BCL11B: variants seen among roughly 807,000 people sequenced by gnomAD.
BCL11B encodes BCL11 transcription factor B.
In BCL11B, 8 loss-of-function variants were observed where a neutral mutation model predicts 49.9. The observed-to-expected ratio is 0.16, with a 90% confidence interval of 0.09 to 0.29. The LOEUF (loss-of-function observed/expected upper bound fraction) is 0.29, where lower values mean the gene tolerates loss of function less well. Among genes scored for constraint, BCL11B ranks in the 10% least tolerant of loss-of-function variants. BCL11B has a pLI of 1.00. For synonymous variants in BCL11B, 739 were observed against 637.4 expected (o/e 1.16, Z -2.40); for missense variants, 1,006 against 1,351.0 (o/e 0.74, Z 4.00).
chr14:99,183,932 G>A (rs1206047240), intron 3 of BCL11B, among the ~76,000 whole-genome samples: 4 of 151,966 alleles, frequency 2.6e-5, no homozygotes, highest in Admixed American at 2.0e-4. Context: ...CCCCGAAGCC[G>A]GCTGCATCCC....
chr14:99,211,043 C>CT (rs1340372513), intron 3 of BCL11B, among the ~76,000 whole-genome samples: 1 of 152,172 alleles, frequency 6.6e-6, no homozygotes, highest in Non-Finnish European at 1.5e-5. Context: ...TCAATAACAG[C>CT]TCCCCTAGCT....
chr14:99,257,778 C>T lies in BCL11B; in HGVS notation c.120G>A (p.Glu40=). 2.5e-6 allele frequency: 4 copies of T among 1,593,006 alleles called. No homozygotes were observed. The African/African-American group carries it at 5.4e-5, about 21-fold the overall frequency. Residue 40 remains glutamate, a synonymous_variant, in exon 2 of 4, where the codon GAG becomes GAA. Coordinates refer to ENST00000357195, the MANE Select transcript of BCL11B (RefSeq NM_138576.4). This position sits in a 1 kb window ranked among gnomAD's most constrained non-coding sequence, Gnocchi z 6.2. ...CCACCATCAGCCCCAGGCCACTTGG[C>T]TCCTCTATCTCCAGACCCTCGTCTT... The part of the protein sequence containing the change: ...LEEDEGLEIE[E]PSGLGLMVGG...
At chr14:99,255,655 T>G (rs555243552) in intron 2 of BCL11B, among the ~76,000 whole-genome samples, 3 of 152,128 alleles carry the variant, frequency 2.0e-5, no homozygotes, top group Non-Finnish European at 4.4e-5. Context: ...CGAGTCTCCC[T>G]AGCAAGGCCA....
chr14:99,189,668 C>A (rs1050772429), intron 3 of BCL11B, among the ~76,000 whole-genome samples: 15 of 152,332 alleles, frequency 9.8e-5, no homozygotes, highest in African/African-American at 3.6e-4. Context: ...TTGGTTCTCC[C>A]AGGACTGCCC....
At chr14:99,261,608 G>C (rs1889339762) in intron 1 of BCL11B, among the ~76,000 whole-genome samples, 1 of 151,936 alleles carries the variant, frequency 6.6e-6, no homozygotes, top group Non-Finnish European at 1.5e-5. Flanking sequence ...AGCAAACTCG[G>C]GCCTTAAAAA....
At chr14:99,270,127 G>A (rs1290221789) in intron 1 of BCL11B, among the ~76,000 whole-genome samples, 1 of 152,004 alleles carries the variant, frequency 6.6e-6, no homozygotes, top group Non-Finnish European at 1.5e-5. Flanking sequence ...AACAGGGACG[G>A]TGGAAGCTGC....
intron 3 of BCL11B, among the ~76,000 whole-genome samples, chr14:99,225,512 C>T (rs1045096160): frequency 2.0e-5 from 3 of 152,198 alleles, no homozygotes; most frequent in African/African-American, 7.2e-5. Context: ...TTCACATCCA[C>T]TAACTGCTTG....
Position 99,271,751 on chromosome 14 carries a change from AAAAAT to A in BCL11B, c.-538_-534del, listed in dbSNP as rs1889697477. Among the ~76,000 whole-genome samples, 3 of 151,952 alleles carry A rather than the reference AAAAAT, an allele frequency of 2.0e-5. No homozygotes were observed. The South Asian group carries it at 6.2e-4, about 31-fold the overall frequency. ...GGGGAAAAAAAATGCAAACAAATAAAAAAATAAAAGAAGAAAAAGCAAAGGAAAAA... is the reference window on the plus strand; with the variant it reads ...GGGGAAAAAAAATGCAAACAAATAAAAAAAGAAGAAAAAGCAAAGGAAAAA... On this transcript the variant is annotated 5_prime_UTR_variant, in exon 1 of 4. Transcript: ENST00000357195.
chr14:99,175,852 G>T lies in BCL11B; in HGVS notation c.984C>A (p.His328Gln). The T allele has an allele frequency of 2.0e-6, 3 of 1,479,330 alleles. No homozygotes were observed. The highest frequency in any genetic ancestry group is 2.6e-5 in the East Asian group (1 of 39,138). The allele number at this position is 1,479,330 out of a possible 1,614,324, so 91.6% of individuals were successfully genotyped here. A position where few individuals can be genotyped will look rare whatever the true frequency, so the allele number is the denominator to read the frequency against. The change falls in exon 4 of 4, where the codon CAC becomes CAA. Residue 328 changes from histidine (H) to glutamine (Q), a missense_variant. Physicochemically the swap from His to Gln is conservative, Grantham distance 24 (BLOSUM62 0). Around this residue, in one of 6 missense-constraint regions of BCL11B, gnomAD observed 411 missense variants for 542.2 expected, o/e 0.76. Transcript: ENST00000357195. ...SPPPRHHLDP[H>Q]RLSAEEMGLV... The stretch of plus-strand genomic sequence containing the variant: ...GCCCCATCTCCTCGGCACTGAGGCG[G>T]TGCGGGTCCAGGTGGTGGCGCGGCG...
chr14:99,180,922 G>C (rs1595221797), intron 3 of BCL11B, among the ~76,000 whole-genome samples: 1 of 152,244 alleles, frequency 6.6e-6, no homozygotes, highest in East Asian at 1.9e-4. Flanking sequence ...CTGGACTCCT[G>C]CAATGAAATG....
In BCL11B at chr14:99,257,341, G is replaced by A. The variant is rs928876207; in HGVS notation, c.427+130C>T. ...GATGGTGGACCCTCAGAAAGGGGGAGCCCCGGCTGGTGGCCCAGAGGCCAT... is the reference window on the plus strand; with the variant it reads ...GATGGTGGACCCTCAGAAAGGGGGAACCCCGGCTGGTGGCCCAGAGGCCAT... On this transcript the variant is annotated intron_variant, in intron 2 of 3. Coordinates refer to ENST00000357195, the MANE Select transcript of BCL11B (RefSeq NM_138576.4). This position sits in a 1 kb window ranked among gnomAD's most constrained non-coding sequence, Gnocchi z 6.2. 1.3e-5 allele frequency: 16 copies of A among 1,258,474 alleles called. No individual in the cohort carries two copies. The African/African-American group carries it at 2.3e-4, about 18-fold the overall frequency. 78.0% of individuals were successfully genotyped at this position (1,258,474 alleles called of 1,614,324 possible). A position where few individuals can be genotyped will look rare whatever the true frequency, so the allele number is the denominator to read the frequency against.
rs1302181135 is a variant in BCL11B at position 99,195,443 on chromosome 14, C to T, written c.641-19248G>A. 6.6e-6 allele frequency among the ~76,000 whole-genome samples: 1 copy of T among 152,148 alleles called. No individual in the cohort carries two copies. The highest frequency in any genetic ancestry group is 1.5e-5 in the Non-Finnish European group (1 of 68,020). On this transcript the variant is annotated intron_variant, in intron 3 of 3. Coordinates refer to ENST00000357195, the MANE Select transcript of BCL11B (RefSeq NM_138576.4). This position sits in a 1 kb window ranked among gnomAD's most constrained non-coding sequence, Gnocchi z 4.7. ...ACCCAGCATTCTATCCTTGCCCACC[C>T]CACCACACACCACAGTCCCCCAAGC...
chr14:99,216,810 T>C (rs1887847640), intron 3 of BCL11B, among the ~76,000 whole-genome samples: 1 of 152,120 alleles, frequency 6.6e-6, no homozygotes. Context: ...ACACTCAACA[T>C]GCACATATGC....
At chr14:99,176,510 G>C (rs1886538230) in intron 3 of BCL11B, among the ~76,000 whole-genome samples, 1 of 152,228 alleles carries the variant, frequency 6.6e-6, no homozygotes, top group Non-Finnish European at 1.5e-5. Context: ...GAGGCCACGG[G>C]AGATCGTGTT....
intron 3 of BCL11B, among the ~76,000 whole-genome samples, chr14:99,220,568 G>A (rs547276742): frequency 1.3e-5 from 2 of 152,298 alleles, no homozygotes; most frequent in East Asian, 1.9e-4. Flanking sequence ...GAGAATGGGG[G>A]GCTGGGGAGA....
intron 3 of BCL11B, among the ~76,000 whole-genome samples, chr14:99,186,840 C>A (rs569225589): frequency 3.3e-5 from 5 of 152,198 alleles, no homozygotes; most frequent in Admixed American, 6.5e-5. Context: ...GTGAACCCTT[C>A]AGAGGACCAC....
intron 1 of BCL11B, among the ~76,000 whole-genome samples, chr14:99,266,479 G>T (rs892710234): frequency 6.6e-6 from 1 of 152,172 alleles, no homozygotes; most frequent in South Asian, 2.1e-4. Flanking sequence ...AAAAAAGAAA[G>T]AAAGAAAATC....
At chr14:99,267,764 T>A (rs1047849640) in intron 1 of BCL11B, among the ~76,000 whole-genome samples, 3 of 152,238 alleles carry the variant, frequency 2.0e-5, no homozygotes, top group Non-Finnish European at 2.9e-5. Flanking sequence ...AACTTTTGCA[T>A]TGAATCTTGC....
rs1889364128 is a variant in BCL11B at position 99,262,494 on chromosome 14, G to A, written c.59-4655C>T. Among the ~76,000 whole-genome samples, 1 of 152,154 alleles carries A rather than the reference G, an allele frequency of 6.6e-6. No homozygotes were observed. The highest frequency in any genetic ancestry group is 1.5e-5 in the Non-Finnish European group (1 of 68,014). On this transcript the variant is annotated intron_variant, in intron 1 of 3. Transcript: ENST00000357195. The surrounding 1 kb of genome is among the most constrained non-coding windows in gnomAD (Gnocchi z 4.2). ...TCAGTGATGACGGGGGTGGGAAAGG[G>A]AAGGATGTGGGGGGATGGGTCCCAG...
Sources: allele counts gnomAD v4.1 joint callset (sites outside exome capture counted in the v4.1 genomes callset), GRCh38; gene constraint gnomAD v4.1.1; regional missense constraint gnomAD v4.1.1; non-coding constraint Gnocchi (gnomAD v3.1); transcripts MANE v1.5; gene names NCBI Gene and HGNC (gene_info 2026-07-23, HGNC 2026-07-21).